PCLO: variants seen among roughly 807,000 people sequenced by gnomAD.
PCLO encodes the protein protein piccolo.
A neutral mutation model predicts 427.5 loss-of-function variants in PCLO; 82 were observed. That is an observed-to-expected ratio of 0.19 (90% confidence interval 0.16 to 0.23). PCLO has a LOEUF of 0.23. Ranked by LOEUF, PCLO falls within the 10% of genes least tolerant of loss-of-function variation. The probability of loss-of-function intolerance (pLI) is 1.00; values close to 1 mark genes in which losing one functional copy is unlikely to be tolerated. For synonymous variants in PCLO, 2,357 were observed against 2,155.4 expected, an observed-to-expected ratio of 1.09 and a Z score of -2.59; for missense variants, 6,239 against 6,115.9, an observed-to-expected ratio of 1.02 and a Z score of -0.67.
At chr7:83,087,413 A>G (rs1449673284) in intron 3 of PCLO, among the ~76,000 whole-genome samples, 1 of 151,986 alleles carries the variant, frequency 6.6e-6, no homozygotes, top group African/African-American at 2.4e-5. Context: ...TATGCAATTC[A>G]TCTGTGTAAC....
chr7:83,042,953 C>T (rs1789008900), intron 3 of PCLO, among the ~76,000 whole-genome samples: 1 of 152,296 alleles, frequency 6.6e-6, no homozygotes, highest in African/African-American at 2.4e-5. Flanking sequence ...AACTGCCTCT[C>T]AATGTTGTAT....
chr7:82,782,843 G>C (rs1790902624), intron 22 of PCLO, among the ~76,000 whole-genome samples: 1 of 152,102 alleles, frequency 6.6e-6, no homozygotes, highest in Admixed American at 6.5e-5. Flanking sequence ...TATTTTATCT[G>C]TCTAGTATCT....
At chr7:82,997,015 A>G (rs150352133) in intron 3 of PCLO, among the ~76,000 whole-genome samples, 6 of 152,168 alleles carry the variant, frequency 3.9e-5, no homozygotes, top group Middle Eastern at 3.4e-3. Context: ...TGTCCAAGGT[A>G]GAACCTAGAA....
At chr7:83,093,565 T>C (rs1267728765) in intron 3 of PCLO, among the ~76,000 whole-genome samples, 4 of 144,700 alleles carry the variant, frequency 2.8e-5, no homozygotes. Context: ...TGATCTCCGC[T>C]CACTGCAAGC....
At chr7:82,898,218 G>A (rs1479915300) in intron 9 of PCLO, among the ~76,000 whole-genome samples, 1 of 151,210 alleles carries the variant, frequency 6.6e-6, no homozygotes, top group Non-Finnish European at 1.5e-5. Context: ...ATTCATAAAA[G>A]GATCAGCATG....
chr7:83,026,413 A>AAT (rs1788498909), intron 3 of PCLO, among the ~76,000 whole-genome samples: 1 of 152,144 alleles, frequency 6.6e-6, no homozygotes, highest in Non-Finnish European at 1.5e-5. Flanking sequence ...AACTATCCTA[A>AAT]ATATATATGC....
At chr7:82,935,457 T>C (rs546151597) in intron 6 of PCLO, among the ~76,000 whole-genome samples, 1 of 151,560 alleles carries the variant, frequency 6.6e-6, no homozygotes, top group East Asian at 1.9e-4. Flanking sequence ...TTATAATTAC[T>C]ATTATATTAA....
intron 22 of PCLO, among the ~76,000 whole-genome samples, chr7:82,767,408 A>T (rs1790554350): frequency 1.3e-5 from 2 of 152,126 alleles, no homozygotes; most frequent in Non-Finnish European, 2.9e-5. Flanking sequence ...GTCATGGTTA[A>T]AAATGAGATG....
intron 16 of PCLO, among the ~76,000 whole-genome samples, chr7:82,831,967 G>C (rs1052702690): frequency 3.3e-5 from 5 of 152,110 alleles, no homozygotes; most frequent in African/African-American, 1.2e-4. Flanking sequence ...TGGAGTTGAA[G>C]GTAGGCAGGT....
At chr7:83,121,215 T>A (rs2116561708) in intron 3 of PCLO, among the ~76,000 whole-genome samples, 1 of 152,054 alleles carries the variant, frequency 6.6e-6, no homozygotes, top group African/African-American at 2.4e-5. Flanking sequence ...AGTTAAAAAC[T>A]GGGGAGGGAG....
chr7:82,835,565 T>C (rs1792213122), intron 16 of PCLO, 102 bp downstream of exon 16: 4 of 799,350 alleles, frequency 5.0e-6, no homozygotes. Flanking sequence ...AAAATATAAG[T>C]TACAGCCCAT....
chr7:82,781,505 G>C (rs1012042821), intron 22 of PCLO, among the ~76,000 whole-genome samples: 1 of 136,482 alleles, frequency 7.3e-6, no homozygotes, highest in Admixed American at 8.5e-5. Flanking sequence ...GTGTCCATGT[G>C]TTCTCAATGA....
intron 9 of PCLO, among the ~76,000 whole-genome samples, chr7:82,897,320 C>T (rs1793927704): frequency 1.3e-5 from 2 of 151,518 alleles, no homozygotes; most frequent in African/African-American, 2.4e-5. Flanking sequence ...AACCATTGTA[C>T]AGTTGTTGAT....
At chr7:83,143,190 T>G (rs1791906276) in intron 2 of PCLO, among the ~76,000 whole-genome samples, 1 of 152,110 alleles carries the variant, frequency 6.6e-6, no homozygotes. Context: ...TGAGATAAAG[T>G]TTGATAACAG....
At chr7:82,958,978 T>G (rs376873266) in intron 4 of PCLO, among the ~76,000 whole-genome samples, 3 of 152,206 alleles carry the variant, frequency 2.0e-5, no homozygotes, top group South Asian at 2.1e-4. Flanking sequence ...ATGATGGGGG[T>G]GGGGTACTTA....
At chr7:82,959,686 C>T (rs757334315) in intron 4 of PCLO, among the ~76,000 whole-genome samples, 2 of 152,144 alleles carry the variant, frequency 1.3e-5, no homozygotes, top group Non-Finnish European at 2.9e-5. Flanking sequence ...CTCAGCACCA[C>T]GTCTTACCCA....
chr7:83,121,882 GA>G (rs1791290366), intron 3 of PCLO, among the ~76,000 whole-genome samples: 2 of 152,138 alleles, frequency 1.3e-5, no homozygotes, highest in South Asian at 4.2e-4. Flanking sequence ...TAATATCTCT[GA>G]TAAACATTTA....
rs550298922 is a variant in PCLO at position 82,865,694 on chromosome 7, C to T, written c.13654+13643G>A. ...GATTTTGGCTTATAAATATGAATAC[C>T]TAATAAATGAATGAACATATTGAGA... On this transcript the variant is annotated intron_variant, in intron 10 of 24. Coordinates refer to ENST00000333891, the MANE Select transcript of PCLO (RefSeq NM_033026.6). Among the ~76,000 whole-genome samples, 315 of 150,784 alleles carry T rather than the reference C, an allele frequency of 2.1e-3. 1 individual carries two copies. The highest frequency in any genetic ancestry group is 0.01 in the South Asian group (48 of 4,728).
intron 3 of PCLO, among the ~76,000 whole-genome samples, chr7:82,990,590 T>A (rs1796354621): frequency 6.6e-6 from 1 of 152,108 alleles, no homozygotes; most frequent in Admixed American, 6.6e-5. Flanking sequence ...CACTTGCACA[T>A]CCAAGACTGT....
Sources: allele counts gnomAD v4.1 joint callset (sites outside exome capture counted in the v4.1 genomes callset), GRCh38; gene constraint gnomAD v4.1.1; transcripts MANE v1.5; gene names NCBI Gene and HGNC (gene_info 2026-07-23, HGNC 2026-07-21).